Variants in TMPRSS15 observed in about 807,000 individuals in gnomAD.
TMPRSS15 encodes the protein transmembrane serine protease 15.
In TMPRSS15, 128 loss-of-function variants were observed where a neutral mutation model predicts 125.3. That is an observed-to-expected ratio of 1.02 (90% CI 0.89 to 1.18). TMPRSS15 has a LOEUF of 1.18. TMPRSS15 is among the 50% of genes most tolerant of loss of function. The pLI is 0.00. For missense variants in TMPRSS15, 1,283 were observed against 1,212.7 expected, an observed-to-expected ratio of 1.06 and a Z score of -0.86; for synonymous variants, 446 against 423.2, an observed-to-expected ratio of 1.05 and a Z score of -0.66.
chr21:18,432,976 A>G (rs1280707264), intron 1 of TMPRSS15, among the ~76,000 whole-genome samples: 1 of 152,200 alleles, frequency 6.6e-6, no homozygotes, highest in Non-Finnish European at 1.5e-5. Flanking sequence ...TAATGCAAAG[A>G]TTCCCGTGTA....
chr21:18,465,973 AAC>A (rs1476379653), intron 1 of TMPRSS15, among the ~76,000 whole-genome samples: 1 of 152,232 alleles, frequency 6.6e-6, no homozygotes, highest in Non-Finnish European at 1.5e-5. Flanking sequence ...AAGCGAAAAG[AAC>A]AAAGCTGGAG....
chr21:18,342,002 T>C (rs1445541877), intron 12 of TMPRSS15, among the ~76,000 whole-genome samples: 2 of 151,924 alleles, frequency 1.3e-5, no homozygotes, highest in African/African-American at 4.8e-5. Context: ...ACACTGGGGG[T>C]GAAGGGGACG....
chr21:18,464,826 G>A (rs1453755194), intron 1 of TMPRSS15, among the ~76,000 whole-genome samples: 2 of 152,114 alleles, frequency 1.3e-5, no homozygotes, highest in East Asian at 3.9e-4. Context: ...ATTTCTACCA[G>A]AGGTACAAAG....
chr21:18,475,759 G>A (rs185618586), intron 1 of TMPRSS15, among the ~76,000 whole-genome samples: 24 of 152,244 alleles, frequency 1.6e-4, no homozygotes, highest in African/African-American at 3.4e-4. Flanking sequence ...CATTAGTCAC[G>A]ACTAGCATGT....
chr21:18,281,307 AT>A, intron 21 of TMPRSS15, 86 bp from the exon 22 acceptor site: 1 of 1,128,036 alleles, frequency 8.9e-7, no homozygotes. Flanking sequence ...ATTTCAGAAT[AT>A]GTTTCTATCC....
intron 1 of TMPRSS15, 92 bp from the exon 2 acceptor site, chr21:18,398,421 T>TCGGCCGGGCGCGGTGGCTCA: frequency 2.3e-6 from 3 of 1,324,016 alleles, no homozygotes; most frequent in Non-Finnish European, 3.2e-6. Context: ...AGTAAAGCTC[T>TCGGCCGGGCGCGGTGGCTCA]CGCCTGATGT....
At chr21:18,451,852 A>C (rs538782002) in intron 1 of TMPRSS15, among the ~76,000 whole-genome samples, 1 of 152,210 alleles carries the variant, frequency 6.6e-6, no homozygotes, top group Non-Finnish European at 1.5e-5. Flanking sequence ...TTGTCAATCA[A>C]TGTCAAAGTT....
At chr21:18,443,467 G>C (rs923046059) in intron 1 of TMPRSS15, among the ~76,000 whole-genome samples, 10 of 152,176 alleles carry the variant, frequency 6.6e-5, no homozygotes, top group Non-Finnish European at 1.3e-4. Flanking sequence ...AACTGAATGA[G>C]AGAATCCTCC....
intron 1 of TMPRSS15, among the ~76,000 whole-genome samples, chr21:18,444,086 G>A (rs1489745452): frequency 1.3e-5 from 2 of 152,096 alleles, no homozygotes; most frequent in South Asian, 2.1e-4. Context: ...CACACTCCCC[G>A]CCCCTTGTAA....
chr21:18,393,920 A>G (rs1481531480), intron 3 of TMPRSS15, among the ~76,000 whole-genome samples: 1 of 152,196 alleles, frequency 6.6e-6, no homozygotes, highest in African/African-American at 2.4e-5. Context: ...CTCTTTAATA[A>G]AAGACTTTCT....
Position 18,315,494 on chromosome 21 carries a change from A to AAT in TMPRSS15, c.1922-240_1922-239dup, listed in dbSNP as rs536861040. On this transcript the variant is annotated intron_variant, in intron 16 of 24. Coordinates refer to ENST00000284885, the MANE Select transcript of TMPRSS15 (RefSeq NM_002772.3). ...TACCGTAGAACTTAAAGTATAATAA[A>AAT]ATATATATATATAAAATAATAAACA... Among the ~76,000 whole-genome samples, 56 of 50,106 alleles carry AAT rather than the reference A, an allele frequency of 1.1e-3. 4 individuals are homozygous for AAT. The highest frequency in any genetic ancestry group is 4.6e-3 in the South Asian group (3 of 652). 32.9% of individuals were successfully genotyped at this position (50,106 alleles called of 152,430 possible). A position where few individuals can be genotyped will look rare whatever the true frequency, so the allele number is the denominator to read the frequency against.
chr21:18,279,382 G>T (rs112892149), intron 22 of TMPRSS15, among the ~76,000 whole-genome samples: 4,593 of 130,572 alleles, frequency 0.035, 252 homozygotes, highest in African/African-American at 0.12. Context: ...CTGGAGTGCA[G>T]TGGTGCGATC....
chr21:18,273,980 G>GTGTT (rs2074590804), intron 24 of TMPRSS15, among the ~76,000 whole-genome samples: 1 of 152,122 alleles, frequency 6.6e-6, no homozygotes, highest in Non-Finnish European at 1.5e-5. Flanking sequence ...TGACATATAT[G>GTGTT]TGTTAATATA....
At chr21:18,396,808 G>A (rs3859710) in intron 3 of TMPRSS15, among the ~76,000 whole-genome samples, 50,639 of 107,490 alleles carry the variant, frequency 0.47, 13,619 homozygotes, top group Middle Eastern at 0.57. Flanking sequence ...CTGTCTGTCT[G>A]TCTATCTATC....
intron 1 of TMPRSS15, among the ~76,000 whole-genome samples, chr21:18,430,044 C>T (rs2076213094): frequency 6.6e-6 from 1 of 152,134 alleles, no homozygotes; most frequent in Non-Finnish European, 1.5e-5. Flanking sequence ...ATTATATTTA[C>T]TATTACTGAT....
chr21:18,341,622 C>T, intron 12 of TMPRSS15, 74 bp from the exon 13 acceptor site: 1 of 1,481,880 alleles, frequency 6.7e-7, no homozygotes, highest in Admixed American at 1.7e-5. Context: ...TCTTGTGAGC[C>T]CAAGAGATTC....
At chr21:18,343,779 T>G (rs2075475780) in intron 11 of TMPRSS15, 123 bp from the exon 12 acceptor site, 1 of 1,256,458 alleles carries the variant, frequency 8.0e-7, no homozygotes, top group South Asian at 1.3e-5. Flanking sequence ...GTTTTGGAGT[T>G]GCTGGGGATG....
intron 6 of TMPRSS15, among the ~76,000 whole-genome samples, chr21:18,369,631 C>T (rs1237202744): frequency 1.3e-5 from 2 of 150,510 alleles, no homozygotes; most frequent in Admixed American, 6.6e-5. Flanking sequence ...ACAGCTGGAG[C>T]AAAAAAATAA....
At chr21:18,348,009 C>A (rs1345304883) in intron 10 of TMPRSS15, among the ~76,000 whole-genome samples, 3 of 152,008 alleles carry the variant, frequency 2.0e-5, no homozygotes, top group African/African-American at 7.3e-5. Context: ...CATAATGAGG[C>A]CCCATCTCTA....
Sources: allele counts gnomAD v4.1 joint callset (sites outside exome capture counted in the v4.1 genomes callset), GRCh38; gene constraint gnomAD v4.1.1; transcripts MANE v1.5; gene names NCBI Gene and HGNC (gene_info 2026-07-23, HGNC 2026-07-21).